Variants in SNX29 observed in about 807,000 individuals in gnomAD.
SNX29 encodes sorting nexin 29.
SNX29 carries 78 observed loss-of-function variants against 102.1 expected under a neutral mutation model. The ratio of observed to expected loss-of-function variants is 0.76; its 90% CI spans 0.64 to 0.92. The LOEUF (loss-of-function observed/expected upper bound fraction) is 0.92. Ranked by LOEUF, SNX29 falls within the 40% of genes least tolerant of loss-of-function variation. The pLI, the probability that SNX29 is intolerant of heterozygous loss-of-function variation, is 0.00. For missense variants in SNX29, 1,280 were observed against 1,061.7 expected, an observed-to-expected ratio of 1.21 and a Z score of -2.86; for synonymous variants, 580 against 414.5, an observed-to-expected ratio of 1.40 and a Z score of -4.85.
chr16:12,292,997 A>T (rs1459649687), intron 15 of SNX29, among the ~76,000 whole-genome samples: 1 of 152,280 alleles, frequency 6.6e-6, no homozygotes, highest in Non-Finnish European at 1.5e-5. Flanking sequence ...TTAATGAATG[A>T]ATAATGAATA....
At chr16:12,537,514 G>A (rs1185513443) in intron 20 of SNX29, among the ~76,000 whole-genome samples, 1 of 152,168 alleles carries the variant, frequency 6.6e-6, no homozygotes, top group Admixed American at 6.5e-5. Context: ...CAGGCTTGTT[G>A]GGAGGATTAA....
rs781538940 is a variant in SNX29 at position 12,013,488 on chromosome 16, G to GGAA, written c.122+10445_122+10446insGAA. The stretch of plus-strand genomic sequence containing the variant: ...TAGTGAAACCCTGTCTCTACTGGGG[G>GGAA]AAAAAAAAAAAAATATATATATATA... On this transcript the variant is annotated intron_variant, in intron 3 of 20. Transcript: ENST00000566228. Among the ~76,000 whole-genome samples, 30 of 12,974 alleles carry GGAA rather than the reference G, an allele frequency of 2.3e-3. 1 individual carries two copies. The highest frequency in any genetic ancestry group is 5.6e-3 in the African/African-American group (29 of 5,202). 8.5% of individuals were successfully genotyped at this position (12,974 alleles called of 152,430 possible). A position where few individuals can be genotyped will look rare whatever the true frequency, so the allele number is the denominator to read the frequency against.
intron 3 of SNX29, among the ~76,000 whole-genome samples, chr16:12,014,748 A>AAAG (rs1200779547): frequency 6.6e-6 from 1 of 151,426 alleles, no homozygotes; most frequent in East Asian, 1.9e-4. Context: ...AAAAAAAAAA[A>AAAG]AAGAAAAGAA....
intron 16 of SNX29, among the ~76,000 whole-genome samples, chr16:12,391,865 G>A (rs1456090828): frequency 1.3e-5 from 2 of 152,022 alleles, no homozygotes; most frequent in African/African-American, 4.8e-5. Flanking sequence ...TCTTTCTTTC[G>A]ATTTAAAATT....
intron 19 of SNX29, among the ~76,000 whole-genome samples, chr16:12,489,447 C>T (rs1000328021): frequency 1.3e-5 from 2 of 152,220 alleles, no homozygotes; most frequent in Non-Finnish European, 2.9e-5. Flanking sequence ...CCATGCAACA[C>T]AGGGAAAGAG....
intron 16 of SNX29, among the ~76,000 whole-genome samples, chr16:12,371,695 C>G (rs530491926): frequency 6.6e-6 from 1 of 152,216 alleles, no homozygotes. Flanking sequence ...GTGTGGGCCT[C>G]CTGTGGGAAT....
intron 20 of SNX29, among the ~76,000 whole-genome samples, chr16:12,566,150 G>C (rs949812843): frequency 6.6e-6 from 1 of 152,194 alleles, no homozygotes; most frequent in Non-Finnish European, 1.5e-5. Context: ...TTTGCCTACA[G>C]AAACACAGCT....
At chr16:12,082,048 G>T (rs2051922658) in intron 11 of SNX29, 1 of 152,280 alleles carries the variant, frequency 6.6e-6, no homozygotes, top group Admixed American at 6.5e-5. Context: ...GAGAAAAGAA[G>T]CCACTCCTGT....
chr16:12,270,007 C>T (rs774370820), intron 14 of SNX29, among the ~76,000 whole-genome samples: 8 of 152,062 alleles, frequency 5.3e-5, no homozygotes, highest in East Asian at 1.9e-4. Context: ...ACTGCAGGCA[C>T]GCACCACCAC....
chr16:12,035,757 C>T (rs2057455606), intron 4 of SNX29, among the ~76,000 whole-genome samples: 1 of 151,856 alleles, frequency 6.6e-6, no homozygotes, highest in African/African-American at 2.4e-5. Context: ...TTGCTTGAGG[C>T]TGTGGTATGT....
In SNX29 at chr16:12,043,976, A is replaced by G. The variant is rs776333782; in HGVS notation, c.428+899A>G. Among the ~76,000 whole-genome samples, 14 of 151,514 alleles carry G rather than the reference A, an allele frequency of 9.2e-5. No individual in the cohort carries two copies. The Middle Eastern group carries it at 0.01, about 110-fold the overall frequency. On this transcript the variant is annotated intron_variant, in intron 5 of 20. Coordinates refer to ENST00000566228, the MANE Select transcript of SNX29 (RefSeq NM_032167.5). ...ATCATGTTGGCCAGGCTGGTCTTGA[A>G]CTCCAGACCTCAGGTGATCTGCCCG...
chr16:12,145,089 G>A (rs1466207182), intron 13 of SNX29, among the ~76,000 whole-genome samples: 1 of 151,936 alleles, frequency 6.6e-6, no homozygotes, highest in Non-Finnish European at 1.5e-5. Flanking sequence ...AACTTGGTTT[G>A]CTCACCCAAT....
At chr16:12,533,691 G>A (rs921506388) in intron 20 of SNX29, among the ~76,000 whole-genome samples, 1 of 152,098 alleles carries the variant, frequency 6.6e-6, no homozygotes, top group Admixed American at 6.6e-5. Context: ...TACCTCTGTC[G>A]ACTGGATGCC....
intron 2 of SNX29, among the ~76,000 whole-genome samples, chr16:12,001,984 C>G (rs1263518662): frequency 6.6e-6 from 1 of 151,148 alleles, no homozygotes; most frequent in Non-Finnish European, 1.5e-5. Context: ...GGCATCACTC[C>G]CCTTCAGCCT....
rs1018237413 is a variant in SNX29, at chr16:12,568,318, T to C, written c.2319-188T>C. Among the ~76,000 whole-genome samples, 12 of 89,116 alleles carry C rather than the reference T, an allele frequency of 1.3e-4. No homozygotes were observed. In the South Asian group the frequency reaches 2.2e-3, roughly 16 times the overall value. 58.5% of individuals were successfully genotyped at this position (89,116 alleles called of 152,430 possible). ...CGGAGTGCTGTTAAAAAAAAAAAAA[T>C]GGAAAGGTTTACGTGACAATAGGGG... On this transcript the variant is annotated intron_variant, in intron 20 of 20. Coordinates refer to ENST00000566228, the MANE Select transcript of SNX29 (RefSeq NM_032167.5).
chr16:12,053,973 G>T (rs72784630), intron 8 of SNX29, among the ~76,000 whole-genome samples: 58,384 of 144,750 alleles, frequency 0.4, 12,122 homozygotes, highest in Middle Eastern at 0.5. Flanking sequence ...GTCAGTTTTT[G>T]TTTTTTTTTT....
chr16:12,360,264 G>T (rs1405245734), intron 16 of SNX29, among the ~76,000 whole-genome samples: 1 of 152,200 alleles, frequency 6.6e-6, no homozygotes, highest in African/African-American at 2.4e-5. Flanking sequence ...GCAGTTGGTT[G>T]GTGTGCCTCT....
intron 17 of SNX29, among the ~76,000 whole-genome samples, chr16:12,403,236 GT>G (rs1567527907): frequency 3.1e-4 from 46 of 148,772 alleles, no homozygotes; most frequent in Non-Finnish European, 5.4e-4. Flanking sequence ...GTGTGTGTGT[GT>G]GTGTGTGTGT....
chr16:12,060,135 A>C (rs2050710524), intron 8 of SNX29, among the ~76,000 whole-genome samples: 1 of 148,046 alleles, frequency 6.8e-6, no homozygotes, highest in Non-Finnish European at 1.5e-5. Flanking sequence ...TGTGGATCAA[A>C]AATATTACCA....
Sources: allele counts gnomAD v4.1 joint callset (sites outside exome capture counted in the v4.1 genomes callset), GRCh38; gene constraint gnomAD v4.1.1; transcripts MANE v1.5; gene names NCBI Gene and HGNC (gene_info 2026-07-23, HGNC 2026-07-21).